Variants in ZSCAN5A observed in about 807,000 individuals in gnomAD.
ZSCAN5A encodes the protein zinc finger and SCAN domain containing 5A.
In ZSCAN5A, 12 loss-of-function variants were observed where a neutral mutation model predicts 23.7. That is an observed-to-expected ratio of 0.51 (90% confidence interval 0.32 to 0.82). ZSCAN5A has a LOEUF of 0.82. ZSCAN5A is among the 40% of genes least tolerant of loss of function. The pLI, the probability that ZSCAN5A is intolerant of heterozygous loss-of-function variation, is 0.03. For synonymous variants in ZSCAN5A, 257 were observed against 239.9 expected, an observed-to-expected ratio of 1.07 and a Z score of -0.66; for missense variants, 597 against 617.9, an observed-to-expected ratio of 0.97 and a Z score of 0.36.
At chr19:56,288,334 T>C (rs1370143557) in intron 2 of ZSCAN5A, among the ~76,000 whole-genome samples, 2 of 152,168 alleles carry the variant, frequency 1.3e-5, no homozygotes, top group African/African-American at 4.8e-5. Context: ...GACACTTTCC[T>C]GCCTCCTCTT....
intron 2 of ZSCAN5A, chr19:56,280,538 C>G (rs578189528): frequency 4.5e-4 from 68 of 152,146 alleles, no homozygotes; most frequent in African/African-American, 1.6e-3. Flanking sequence ...TCTTTATCAT[C>G]TAGATATAAC....
chr19:56,278,946 G>A (rs373005436), intron 2 of ZSCAN5A, among the ~76,000 whole-genome samples: 1 of 152,188 alleles, frequency 6.6e-6, no homozygotes, highest in Non-Finnish European at 1.5e-5. Context: ...CACCCACCGT[G>A]AGGGTGGATC....
chr19:56,225,188 T>C lies in ZSCAN5A; in HGVS notation c.-127-15A>G. ...CATTCAGAAGTCTGGGGGGGAAAAG[T>C]ATGAGCCTCATTAGTTTAAGTTACT... On this transcript the variant is annotated splice_polypyrimidine_tract_variant and intron_variant, in intron 2 of 5. Coordinates refer to ENST00000683990, the MANE Select transcript of ZSCAN5A (RefSeq NM_001322064.3). 7.1e-7 allele frequency: 1 copy of C among 1,403,232 alleles called. No individual in the cohort carries two copies. The highest frequency in any genetic ancestry group is 9.3e-7 in the Non-Finnish European group (1 of 1,072,550). 86.9% of individuals were successfully genotyped at this position (1,403,232 alleles called of 1,614,324 possible).
chr19:56,266,009 T>A (rs527313298), intron 2 of ZSCAN5A, among the ~76,000 whole-genome samples: 11 of 152,320 alleles, frequency 7.2e-5, no homozygotes, highest in African/African-American at 2.4e-4. Context: ...ACTTAGCAGC[T>A]AAACAAGTTC....
At chr19:56,320,075 T>C (rs1200363106) in intron 2 of ZSCAN5A, 14 of 774,954 alleles carry the variant, frequency 1.8e-5, no homozygotes, top group Middle Eastern at 2.9e-4. Context: ...TCTCTTCTTA[T>C]ACCTGTCACT....
intron 2 of ZSCAN5A, among the ~76,000 whole-genome samples, chr19:56,293,548 T>C (rs1240276194): frequency 6.6e-6 from 1 of 152,154 alleles, no homozygotes; most frequent in Non-Finnish European, 1.5e-5. Context: ...CGGTCCTGAC[T>C]GCACCACTTT....
chr19:56,356,696 C>G (rs2041702579), intron 2 of ZSCAN5A, among the ~76,000 whole-genome samples: 1 of 148,888 alleles, frequency 6.7e-6, no homozygotes, highest in Non-Finnish European at 1.5e-5. Context: ...TCCATTTACC[C>G]CATATCCTTC....
At chr19:56,337,400 T>C (rs1220893972) in intron 2 of ZSCAN5A, among the ~76,000 whole-genome samples, 2 of 152,240 alleles carry the variant, frequency 1.3e-5, no homozygotes, top group Non-Finnish European at 2.9e-5. Context: ...GGATATAATC[T>C]CCTGGTGTGC....
chr19:56,228,733 TAATG>T (rs1277137426), intron 2 of ZSCAN5A, among the ~76,000 whole-genome samples: 1 of 152,156 alleles, frequency 6.6e-6, no homozygotes, highest in Non-Finnish European at 1.5e-5. Flanking sequence ...TGTTGATACA[TAATG>T]AATATTGGTG....
At chr19:56,329,005 A>T (rs962859180) in intron 2 of ZSCAN5A, among the ~76,000 whole-genome samples, 16 of 150,460 alleles carry the variant, frequency 1.1e-4, no homozygotes, top group Non-Finnish European at 1.6e-4. Context: ...AAAAAAAAAA[A>T]AAAATAAATA....
intron 2 of ZSCAN5A, among the ~76,000 whole-genome samples, chr19:56,301,113 C>T (rs749090203): frequency 3.9e-5 from 6 of 151,918 alleles, no homozygotes; most frequent in East Asian, 1.9e-4. Context: ...TCTTGAATCT[C>T]GTGCAAGAAA....
intron 2 of ZSCAN5A, chr19:56,341,056 A>T (rs756017243): frequency 6.6e-6 from 1 of 152,210 alleles, no homozygotes; most frequent in Non-Finnish European, 1.5e-5. Flanking sequence ...CAATTCATCA[A>T]TCTCATTCTC....
chr19:56,365,009 T>C (rs1024543364), intron 1 of ZSCAN5A: 4 of 152,222 alleles, frequency 2.6e-5, no homozygotes, highest in African/African-American at 4.8e-5. Context: ...ACACTTAAGA[T>C]AGGTACATGA....
At chr19:56,335,003 T>C (rs991479385) in intron 2 of ZSCAN5A, among the ~76,000 whole-genome samples, 5 of 152,252 alleles carry the variant, frequency 3.3e-5, no homozygotes, top group African/African-American at 1.2e-4. Context: ...TTCACTGAGC[T>C]AAAGTATCAT....
intron 2 of ZSCAN5A, among the ~76,000 whole-genome samples, chr19:56,309,816 C>A (rs545864034): frequency 8.5e-5 from 13 of 152,302 alleles, no homozygotes; most frequent in Admixed American, 3.3e-4. Context: ...CGCTGCTTCC[C>A]ACTGGCTGGT....
At chr19:56,269,476 T>C (rs2037695850) in intron 2 of ZSCAN5A, among the ~76,000 whole-genome samples, 1 of 152,186 alleles carries the variant, frequency 6.6e-6, no homozygotes, top group Non-Finnish European at 1.5e-5. Flanking sequence ...GGGAGTGTGT[T>C]ACTCTCAGAT....
chr19:56,336,399 G>A (rs112199241), intron 2 of ZSCAN5A, among the ~76,000 whole-genome samples: 28 of 152,028 alleles, frequency 1.8e-4, no homozygotes, highest in African/African-American at 5.8e-4. Flanking sequence ...TTGTGCATTC[G>A]TCACGTAGTT....
chr19:56,289,980 G>A (rs1052940718), intron 2 of ZSCAN5A, among the ~76,000 whole-genome samples: 3 of 152,176 alleles, frequency 2.0e-5, no homozygotes, highest in Admixed American at 6.5e-5. Flanking sequence ...TGAAGAAAAC[G>A]AATACTGGAG....
At chr19:56,250,752 A>G (rs922611548) in intron 2 of ZSCAN5A, among the ~76,000 whole-genome samples, 4 of 152,176 alleles carry the variant, frequency 2.6e-5, no homozygotes, top group African/African-American at 7.2e-5. Context: ...CCATTATCAC[A>G]TGGCAGCCAT....
Sources: allele counts gnomAD v4.1 joint callset (sites outside exome capture counted in the v4.1 genomes callset), GRCh38; gene constraint gnomAD v4.1.1; transcripts MANE v1.5; gene names NCBI Gene and HGNC (gene_info 2026-07-23, HGNC 2026-07-21).